Variants in RBFOX1 observed in about 807,000 individuals in gnomAD.
RBFOX1 encodes the protein RNA binding protein fox-1 homolog 1.
RBFOX1 carries 8 observed loss-of-function variants against 57.7 expected under a neutral mutation model. The observed-to-expected ratio is 0.14, with a 90% CI of 0.08 to 0.25. RBFOX1 has a LOEUF of 0.25. Among genes scored for constraint, RBFOX1 ranks in the 10% least tolerant of loss-of-function variants. RBFOX1 has a pLI of 1.00. For missense variants in RBFOX1, 611 were observed against 548.5 expected (o/e 1.11, Z -1.14); for synonymous variants, 326 against 222.4 (o/e 1.47, Z -4.15).
intron 3 of RBFOX1, among the ~76,000 whole-genome samples, chr16:6,972,432 G>C (rs369733424): frequency 5.9e-5 from 9 of 152,122 alleles, no homozygotes; most frequent in African/African-American, 2.2e-4. Flanking sequence ...CGTTTTTCAA[G>C]GCTAAGTAAT....
In RBFOX1 at chr16:6,256,149, A is replaced by ATATATATG. The variant is rs1555582098; in HGVS notation, c.-126-60839_-126-60838insGTATATAT. 3.8e-4 allele frequency among the ~76,000 whole-genome samples: 25 copies of ATATATATG among 65,456 alleles called. 1 individual carries two copies. Among genetic ancestry groups the ATATATATG allele is most frequent in the African/African-American group, 1.3e-3 (23 of 18,350 alleles). The allele number at this position is 65,456 out of a possible 152,430, so 42.9% of individuals were successfully genotyped here. On this transcript the variant is annotated intron_variant, in intron 1 of 15. Coordinates refer to ENST00000550418, the MANE Select transcript of RBFOX1 (RefSeq NM_018723.4). ...CAAATATATATATATGTGTGTATAT[A>ATATATATG]TATATATATGTATATATATATGTAT... is the stretch of plus-strand genomic sequence containing the variant.
At chr16:7,549,248 T>G (rs2085580264) in intron 5 of RBFOX1, among the ~76,000 whole-genome samples, 1 of 152,168 alleles carries the variant, frequency 6.6e-6, no homozygotes, top group South Asian at 2.1e-4. Context: ...GCCCCCAATT[T>G]GGAACAACCA....
chr16:7,228,183 C>T (rs1013935611), intron 4 of RBFOX1, among the ~76,000 whole-genome samples: 2 of 151,944 alleles, frequency 1.3e-5, no homozygotes, highest in Non-Finnish European at 2.9e-5. Flanking sequence ...CTGGTTTGGT[C>T]GTGGTTGTGT....
intron 3 of RBFOX1, among the ~76,000 whole-genome samples, chr16:7,039,817 A>C (rs544088496): frequency 6.6e-6 from 1 of 152,168 alleles, no homozygotes; most frequent in African/African-American, 2.4e-5. Flanking sequence ...TAAACATTAC[A>C]CATGAGACCC....
At chr16:7,191,502 A>G (rs181202247) in intron 4 of RBFOX1, among the ~76,000 whole-genome samples, 2 of 152,318 alleles carry the variant, frequency 1.3e-5, no homozygotes, top group African/African-American at 2.4e-5. Flanking sequence ...TTTATTTTGT[A>G]TGTTATATTG....
chr16:5,377,246 G>A (rs1567413694), intron 1 of RBFOX1, among the ~76,000 whole-genome samples: 1 of 151,552 alleles, frequency 6.6e-6, no homozygotes, highest in Non-Finnish European at 1.5e-5. Flanking sequence ...GTTCAGGAAT[G>A]GGCTACGAGG....
chr16:5,291,588 G>C (rs543067718), intron 1 of RBFOX1, among the ~76,000 whole-genome samples: 2,401 of 127,012 alleles, frequency 0.019, 17 homozygotes, highest in Non-Finnish European at 0.027. Flanking sequence ...TTAACCCACA[G>C]AGCAGTGGGA....
chr16:6,887,608 G>C (rs1369309666), intron 3 of RBFOX1, among the ~76,000 whole-genome samples: 1 of 151,526 alleles, frequency 6.6e-6, no homozygotes, highest in African/African-American at 2.4e-5. Flanking sequence ...GAGGTCTTCA[G>C]GAAGTTAGTA....
intron 4 of RBFOX1, among the ~76,000 whole-genome samples, chr16:7,136,561 C>T (rs2072045018): frequency 6.6e-6 from 1 of 151,974 alleles, no homozygotes; most frequent in Non-Finnish European, 1.5e-5. Flanking sequence ...TGCACGCCAC[C>T]ACACCTAGCT....
chr16:5,961,013 C>A (rs945949714), intron 4 of RBFOX1, among the ~76,000 whole-genome samples: 14 of 152,286 alleles, frequency 9.2e-5, no homozygotes, highest in African/African-American at 3.1e-4. Flanking sequence ...CCGGACTTTT[C>A]ATTTTCACGG....
chr16:7,683,819 A>G (rs1568442852), intron 14 of RBFOX1, among the ~76,000 whole-genome samples: 2 of 148,778 alleles, frequency 1.3e-5, no homozygotes, highest in South Asian at 2.1e-4. Context: ...GCAAAGCCCT[A>G]TGAATGAGCC....
At chr16:5,456,751 C>G (rs898146792) in intron 1 of RBFOX1, among the ~76,000 whole-genome samples, 21 of 152,216 alleles carry the variant, frequency 1.4e-4, no homozygotes, top group African/African-American at 5.1e-4. Flanking sequence ...CTAGGATGGC[C>G]CCTGTGAAGG....
intron 1 of RBFOX1, among the ~76,000 whole-genome samples, chr16:5,305,608 C>A (rs2063914008): frequency 6.6e-6 from 1 of 152,084 alleles, no homozygotes; most frequent in African/African-American, 2.4e-5. Flanking sequence ...CAAGAGATGT[C>A]TTGTGAAATT....
chr16:5,837,520 C>T (rs1311113593), intron 3 of RBFOX1, among the ~76,000 whole-genome samples: 3 of 152,054 alleles, frequency 2.0e-5, no homozygotes, highest in African/African-American at 7.2e-5. Context: ...CACTCCCAAC[C>T]CCACTGGTTA....
chr16:7,591,930 C>T (rs543527665), intron 7 of RBFOX1, among the ~76,000 whole-genome samples: 57 of 152,274 alleles, frequency 3.7e-4, no homozygotes, highest in Admixed American at 1.5e-3. Flanking sequence ...GGCACCTGTG[C>T]ATCGTGGCAA....
At chr16:7,537,914 G>A (rs774574273) in intron 5 of RBFOX1, among the ~76,000 whole-genome samples, 2 of 152,240 alleles carry the variant, frequency 1.3e-5, no homozygotes, top group African/African-American at 4.8e-5. Flanking sequence ...CAATGGAAAT[G>A]AGAGAATCTG....
In RBFOX1 at chr16:5,991,889, A is replaced by T. The variant is rs535428486; in HGVS notation, c.351+124554A>T. 6.6e-5 allele frequency among the ~76,000 whole-genome samples: 10 copies of T among 152,292 alleles called. No homozygotes were observed. The East Asian group carries it at 1.9e-3, about 29-fold the overall frequency. On this transcript the variant is annotated intron_variant, in intron 4 of 19. Coordinates refer to the RBFOX1 transcript ENST00000641259. ...TGATGCTCTAGCACCTGAGCAATGGAAGGCATTTAAAAGCAACCATTCTTA... is the reference window on the plus strand; with the variant it reads ...TGATGCTCTAGCACCTGAGCAATGGTAGGCATTTAAAAGCAACCATTCTTA...
intron 3 of RBFOX1, among the ~76,000 whole-genome samples, chr16:6,807,572 C>G (rs2087168421): frequency 6.6e-6 from 1 of 152,030 alleles, no homozygotes; most frequent in Non-Finnish European, 1.5e-5. Context: ...AATCCCAGCA[C>G]TTTGGGAGCC....
chr16:5,570,697 G>A (rs2046251434), intron 2 of RBFOX1, among the ~76,000 whole-genome samples: 1 of 152,008 alleles, frequency 6.6e-6, no homozygotes, highest in Non-Finnish European at 1.5e-5. Flanking sequence ...AAAATTAGCT[G>A]GGCTTGTTGG....
Sources: gnomAD v4.1 joint callset for allele counts (sites outside exome capture counted in the v4.1 genomes callset) on GRCh38, gnomAD v4.1.1 for gene constraint, MANE v1.5 for transcripts, NCBI Gene and HGNC (gene_info 2026-07-23, HGNC 2026-07-21) for gene names.